Variants in SLC6A2 observed in about 807,000 individuals in gnomAD.
SLC6A2 encodes the protein sodium-dependent noradrenaline transporter.
Under a neutral mutation model 71.7 loss-of-function variants are expected in SLC6A2, and 26 were observed. The ratio of observed to expected loss-of-function variants is 0.36; its 90% CI spans 0.27 to 0.50. The LOEUF is 0.50. SLC6A2 is among the 20% of genes least tolerant of loss of function. The probability of loss-of-function intolerance (pLI) is 0.96; values close to 1 mark genes in which losing one functional copy is unlikely to be tolerated. For missense variants in SLC6A2, 581 were observed against 803.9 expected (o/e 0.72, Z 3.35); for synonymous variants, 363 against 337.9 (o/e 1.07, Z -0.82).
intron 13 of SLC6A2, among the ~76,000 whole-genome samples, chr16:55,701,177 TC>T (rs1367450787): frequency 1.3e-5 from 2 of 152,138 alleles, no homozygotes; most frequent in African/African-American, 4.8e-5. Context: ...ATGGAAGGCA[TC>T]CTTGGGAGCC....
At chr16:55,700,036 C>A in intron 12 of SLC6A2, 103 bp from the exon 13 acceptor site, 1 of 941,790 alleles carries the variant, frequency 1.1e-6, no homozygotes. Flanking sequence ...ATGCTCACTT[C>A]TCTTCATTTC....
chr16:55,673,918 CCT>C (rs1241260074), intron 4 of SLC6A2, among the ~76,000 whole-genome samples: 3 of 152,110 alleles, frequency 2.0e-5, no homozygotes. Context: ...TCCCTTCTCC[CCT>C]GTTTATTTAT....
chr16:55,692,037 C>A lies in SLC6A2; in HGVS notation c.903C>A (p.Arg301=), dbSNP rs1965650181. 6.2e-7 allele frequency: 1 copy of A among 1,614,194 alleles called. No individual in the cohort carries two copies. Among genetic ancestry groups the A allele is most frequent in the African/African-American group, 1.3e-5 (1 of 75,050 alleles). The change falls in exon 6 of 15, where the codon CGC becomes CGA. Residue 301 remains arginine (R), a synonymous_variant. Transcript: ENST00000568943. The part of the protein sequence containing the change: ...INAYLHIDFY[R]LKEATVWIDA... ...CCTACCTGCACATCGACTTCTACCG[C>A]TTGAAAGAGGCCACGGTCAGTGCTC...
chr16:55,656,997 A>C lies in SLC6A2; in HGVS notation c.274+29A>C, dbSNP rs751459622. 2 of 1,609,468 alleles carry C rather than the reference A, an allele frequency of 1.2e-6. No individual in the cohort carries two copies. Among genetic ancestry groups the C allele is most frequent in the East Asian group, 4.5e-5 (2 of 44,814 alleles). On this transcript the variant is annotated intron_variant, in intron 2 of 14. Coordinates refer to ENST00000568943, the MANE Select transcript of SLC6A2 (RefSeq NM_001172501.3). The surrounding 1 kb of genome is among the most constrained non-coding windows in gnomAD (Gnocchi z 4.5). Reference sequence around the variant, plus strand: ...AGCGTGGGGTCGGGCTGGGAATTTGAATCTGGGAGGTCCACTGTCTGCAGC... The same window carrying C: ...AGCGTGGGGTCGGGCTGGGAATTTGCATCTGGGAGGTCCACTGTCTGCAGC...
intron 13 of SLC6A2, 67 bp downstream of exon 13, chr16:55,700,373 C>A: frequency 1.4e-6 from 2 of 1,398,298 alleles, no homozygotes; most frequent in African/African-American, 2.8e-5. Flanking sequence ...GGACGACTCT[C>A]ATTCCTGTTG....
In SLC6A2 at chr16:55,656,428, C is replaced by G; in HGVS notation, c.-51-216C>G. 1.8e-6 allele frequency: 1 copy of G among 562,216 alleles called. No homozygotes were observed. The highest frequency in any genetic ancestry group is 3.2e-6 in the Non-Finnish European group (1 of 313,110). The allele number at this position is 562,216 out of a possible 1,614,324, so 34.8% of individuals were successfully genotyped here. A position where few individuals can be genotyped will look rare whatever the true frequency, so the allele number is the denominator to read the frequency against. The stretch of plus-strand genomic sequence containing the variant: ...AAAGTGCTGCAGGGTCTTCAGCCGC[C>G]CCCAGAGGGCTGTCAGAAGTCTCCA... On this transcript the variant is annotated intron_variant, in intron 1 of 14. Transcript: ENST00000568943. This position sits in a 1 kb window ranked among gnomAD's most constrained non-coding sequence, Gnocchi z 4.5.
rs1352849392 is a variant in SLC6A2, at chr16:55,703,243, G to C, written c.*897G>C. 2 of 985,582 alleles carry C rather than the reference G, an allele frequency of 2.0e-6. No individual in the cohort carries two copies. Among genetic ancestry groups the C allele is most frequent in the African/African-American group, 1.7e-5 (1 of 57,388 alleles). 61.1% of individuals were successfully genotyped at this position (985,582 alleles called of 1,614,324 possible). ...CTGGGGAAACGGGGGCAGGGACCAA[G>C]TGAGGCCTCATGTGTGTCTTCACCG... On this transcript the variant is annotated 3_prime_UTR_variant, in exon 15 of 15. Transcript: ENST00000568943.
At chr16:55,677,833 A>C (rs1226429147) in intron 4 of SLC6A2, among the ~76,000 whole-genome samples, 1 of 151,860 alleles carries the variant, frequency 6.6e-6, no homozygotes, top group African/African-American at 2.4e-5. Flanking sequence ...CTAGCTTTTT[A>C]TATTTTTTGT....
intron 5 of SLC6A2, among the ~76,000 whole-genome samples, chr16:55,688,390 G>A (rs1324691292): frequency 6.6e-6 from 1 of 152,188 alleles, no homozygotes; most frequent in Non-Finnish European, 1.5e-5. Context: ...AGACTAAAAT[G>A]TTTGTAGCTT....
At chr16:55,672,350 GTAGT>G in intron 4 of SLC6A2, among the ~76,000 whole-genome samples, 175 bp downstream of exon 4, 1 of 152,308 alleles carries the variant, frequency 6.6e-6, no homozygotes, top group East Asian at 1.9e-4. Context: ...CACGGTCGAG[GTAGT>G]TGGAGAAGCT....
chr16:55,672,069 T>A lies in SLC6A2; in HGVS notation c.538T>A (p.Trp180Arg). Residue 180 changes from tryptophan to arginine, a missense_variant, in exon 4 of 15, where the codon TGG (tryptophan) becomes AGG (arginine). Physicochemically the swap from Trp to Arg is moderately radical, Grantham distance 101. This residue lies in a region of SLC6A2 where 87 missense variants were observed against 99.5 expected (regional missense o/e 0.87). Transcript: ENST00000568943. ...NLPWTDCGHTWNSPNCTDPKL... is the reference protein window; with the variant it reads ...NLPWTDCGHTRNSPNCTDPKL... ...GCCCTGGACCGACTGTGGCCACACC[T>A]GGAACAGCCCCAACTGTACCGACCC... 6.2e-7 allele frequency: 1 copy of A among 1,614,156 alleles called. No individual in the cohort carries two copies. The highest frequency in any genetic ancestry group is 8.5e-7 in the Non-Finnish European group (1 of 1,180,020).
chr16:55,695,536 T>A, intron 8 of SLC6A2, 134 bp downstream of exon 8: 2 of 970,582 alleles, frequency 2.1e-6, no homozygotes, highest in Non-Finnish European at 3.2e-6. Context: ...ACCACCCATG[T>A]GATTGACTTT....
intron 4 of SLC6A2, among the ~76,000 whole-genome samples, chr16:55,683,561 C>T (rs1048515871): frequency 1.8e-4 from 27 of 152,106 alleles, no homozygotes; most frequent in African/African-American, 6.3e-4. Context: ...TGCAGTGAGC[C>T]GTCATCGCAC....
chr16:55,664,895 C>T (rs999252041), intron 2 of SLC6A2, among the ~76,000 whole-genome samples: 21 of 152,146 alleles, frequency 1.4e-4, no homozygotes, highest in African/African-American at 3.9e-4. Flanking sequence ...ACTCCCCATA[C>T]GAATACCCCA....
intron 2 of SLC6A2, among the ~76,000 whole-genome samples, chr16:55,658,721 A>G (rs1469361735): frequency 6.6e-6 from 1 of 152,208 alleles, no homozygotes; most frequent in Non-Finnish European, 1.5e-5. Flanking sequence ...TAGCTGGAAC[A>G]GCAGTCCTGA....
At chr16:55,658,484 G>T (rs1489246899) in intron 2 of SLC6A2, among the ~76,000 whole-genome samples, 1 of 152,030 alleles carries the variant, frequency 6.6e-6, no homozygotes, top group African/African-American at 2.4e-5. Flanking sequence ...CTGCACTCCA[G>T]CCTGGACCAT....
rs371171390 is a variant in SLC6A2, at chr16:55,656,774, C to T, written c.80C>T (p.Ala27Val). ...ADTGPEQPLR[A>V]RKTAELLVVK... ...ACGGGTCCAGAGCAGCCCCTTCGGG[C>T]GCGCAAAACTGCGGAGCTGCTGGTG... Residue 27 changes from alanine (A) to valine (V), a missense_variant, in exon 2 of 15, where the codon GCG (alanine) becomes GTG (valine). This residue lies in a region of SLC6A2 where 76 missense variants were observed against 79.9 expected (regional missense o/e 0.95). Coordinates refer to ENST00000568943, the MANE Select transcript of SLC6A2 (RefSeq NM_001172501.3). This position sits in a 1 kb window ranked among gnomAD's most constrained non-coding sequence, Gnocchi z 4.5. The T allele has an allele frequency of 6.2e-7, 1 of 1,613,210 alleles. No homozygotes were observed. The highest frequency in any genetic ancestry group is 1.1e-5 in the South Asian group (1 of 91,062).
intron 2 of SLC6A2, among the ~76,000 whole-genome samples, chr16:55,666,959 A>AT: frequency 6.6e-6 from 1 of 151,780 alleles, no homozygotes; most frequent in African/African-American, 2.4e-5. Flanking sequence ...CCTATCAAAG[A>AT]TTTTTTGTTT....
Position 55,705,249 on chromosome 16 carries a change from A to T in SLC6A2, c.*2903A>T. The T allele has an allele frequency of 6.5e-7, 1 of 1,536,356 alleles. No homozygotes were observed. The highest frequency in any genetic ancestry group is 8.7e-7 in the Non-Finnish European group (1 of 1,146,828). On this transcript the variant is annotated 3_prime_UTR_variant, in exon 15 of 15. Transcript: ENST00000568943. ...GAGACAAGGGAGAAGGAGAGCTACC[A>T]ACTCTTGCCAGATATCCTGCTGAAC...
Sources: allele counts gnomAD v4.1 joint callset (sites outside exome capture counted in the v4.1 genomes callset), GRCh38; gene constraint gnomAD v4.1.1; regional missense constraint gnomAD v4.1.1; non-coding constraint Gnocchi (gnomAD v3.1); transcripts MANE v1.5; gene names NCBI Gene and HGNC (gene_info 2026-07-23, HGNC 2026-07-21).